Variants in MRTFB observed in about 807,000 individuals in gnomAD.
The protein encoded by MRTFB is myocardin related transcription factor B, also known as myocardin-related transcription factor B.
In MRTFB, 29 loss-of-function variants were observed where a neutral mutation model predicts 104.2. The observed-to-expected ratio is 0.28, with a 90% CI of 0.21 to 0.38. The LOEUF (loss-of-function observed/expected upper bound fraction) is 0.38. MRTFB is among the 10% of genes least tolerant of loss of function. The pLI is 1.00. For synonymous variants in MRTFB, 535 were observed against 519.5 expected (o/e 1.03, Z -0.41); for missense variants, 1,270 against 1,341.6 (o/e 0.95, Z 0.83).
chr16:14,134,689 C>T (rs756919375), intron 2 of MRTFB, among the ~76,000 whole-genome samples: 5 of 152,162 alleles, frequency 3.3e-5, no homozygotes, highest in Admixed American at 6.5e-5. Context: ...TTCACAACCT[C>T]GTGTCCCTCT....
At chr16:14,073,325 G>A (rs1420540777) in intron 1 of MRTFB, among the ~76,000 whole-genome samples, 1 of 152,130 alleles carries the variant, frequency 6.6e-6, no homozygotes, top group Non-Finnish European at 1.5e-5. Context: ...AAATGCCAGC[G>A]GTGTCCCCCA....
In MRTFB at chr16:14,240,500, T is replaced by A; in HGVS notation, c.1079+16T>A. The A allele has an allele frequency of 6.2e-7, 1 of 1,614,214 alleles. No individual in the cohort carries two copies. Among genetic ancestry groups the A allele is most frequent in the Non-Finnish European group, 8.5e-7 (1 of 1,180,044 alleles). On this transcript the variant is annotated intron_variant, in intron 10 of 16. Coordinates refer to ENST00000571589, the MANE Select transcript of MRTFB (RefSeq NM_001308142.2). ...CACCATTCAAGTACGGCGGGGCCCA[T>A]GCTATCCTCAACGCGGGGTTTTCTG...
chr16:14,162,334 C>T (rs1014612977), intron 3 of MRTFB, among the ~76,000 whole-genome samples: 1 of 150,728 alleles, frequency 6.6e-6, no homozygotes, highest in African/African-American at 2.5e-5. Context: ...CCTGTTTCCC[C>T]CTCTCTTTCC....
chr16:14,167,533 T>G (rs912807560), intron 3 of MRTFB, among the ~76,000 whole-genome samples: 19 of 152,222 alleles, frequency 1.2e-4, no homozygotes, highest in Admixed American at 1.0e-3. Context: ...CAATTTTTGC[T>G]TTTGTTACAA....
intron 3 of MRTFB, chr16:14,142,275 C>T (rs1434382398): frequency 1.5e-5 from 2 of 129,232 alleles, no homozygotes; most frequent in African/African-American, 6.2e-5. Flanking sequence ...GAGACGGAGT[C>T]TCACTCTGTC....
intron 8 of MRTFB, among the ~76,000 whole-genome samples, chr16:14,224,957 C>T (rs1379358234): frequency 5.3e-5 from 8 of 152,120 alleles, no homozygotes; most frequent in South Asian, 2.1e-4. Flanking sequence ...GAGGCCAAAG[C>T]GAGCGGATCA....
At position 14,260,919 on chromosome 16, in the gene MRTFB, C is replaced by T. The variant is rs745763495; in HGVS notation, c.2775C>T (p.Leu925=). 2 of 1,602,566 alleles carry T rather than the reference C, an allele frequency of 1.2e-6. No individual in the cohort carries two copies. Among genetic ancestry groups the T allele is most frequent in the Non-Finnish European group, 1.7e-6 (2 of 1,173,790 alleles). ...ATTTATTTTACACAGAGATCTCCCT[C>T]CCCATAAAAGAAGAACCTTCTCCTA... ...DILIKSGEIS[L]PIKEEPSPIS... The change falls in exon 17 of 17, where the codon CTC becomes CTT. Residue 925 remains leucine (L), a synonymous_variant. Transcript: ENST00000571589.
chr16:14,202,211 G>A (rs1209099455), intron 3 of MRTFB, among the ~76,000 whole-genome samples: 1 of 151,494 alleles, frequency 6.6e-6, no homozygotes, highest in Non-Finnish European at 1.5e-5. Context: ...TACTTCCTTT[G>A]CATATGTTAT....
At chr16:14,183,576 CTTGATA>C (rs948523219) in intron 3 of MRTFB, among the ~76,000 whole-genome samples, 8 of 151,820 alleles carry the variant, frequency 5.3e-5, no homozygotes, top group African/African-American at 1.9e-4. Context: ...TCAATATCAT[CTTGATA>C]TTGATTATTA....
At chr16:14,117,248 A>G (rs145667619) in intron 2 of MRTFB, among the ~76,000 whole-genome samples, 22 of 152,366 alleles carry the variant, frequency 1.4e-4, no homozygotes, top group African/African-American at 5.3e-4. Flanking sequence ...CTGTACAAAT[A>G]ATGGGCACAG....
At chr16:14,048,870 G>A in the MRTFB span, among the ~76,000 whole-genome samples, 1 of 152,188 alleles carries the variant, frequency 6.6e-6, no homozygotes, top group Non-Finnish European at 1.5e-5. Flanking sequence ...TGGGACCTAT[G>A]CAGAGCCAGG....
At chr16:14,233,781 C>CAAAAAAAAAAA (rs1007606658) in intron 8 of MRTFB, among the ~76,000 whole-genome samples, 3 of 50,002 alleles carry the variant, frequency 6.0e-5, no homozygotes, top group Non-Finnish European at 8.3e-5. Flanking sequence ...GACTCCCTCT[C>CAAAAAAAAAAA]AAAAAAAAAA....
At chr16:14,227,264 G>A (rs2151276944) in intron 8 of MRTFB, among the ~76,000 whole-genome samples, 1 of 150,114 alleles carries the variant, frequency 6.7e-6, no homozygotes, top group African/African-American at 2.5e-5. Flanking sequence ...TAGTTCCCGT[G>A]AGAGCTTGTT....
In MRTFB at chr16:14,251,919, C is replaced by T; in HGVS notation, c.2461C>T (p.Pro821Ser). 17 of 1,614,208 alleles carry T rather than the reference C, an allele frequency of 1.1e-5. No individual in the cohort carries two copies. The highest frequency in any genetic ancestry group is 1.4e-5 in the Non-Finnish European group (16 of 1,180,028). Reference protein sequence around the residue: ...TVLPYQRHPAPAVQQPFINKA... With the variant: ...TVLPYQRHPASAVQQPFINKA... ...TCTTCCATATCAGAGACATCCTGCC[C>T]CAGCTGTCCAGCAGCCCTTTATCAA... The change falls in exon 14 of 17, where the codon CCA (proline) becomes TCA (serine). Residue 821 changes from proline to serine, a missense_variant. By Grantham distance (74) the Pro-to-Ser change is moderately conservative (BLOSUM62 -1). Transcript: ENST00000571589.
At chr16:14,189,853 A>G (rs1287968318) in intron 3 of MRTFB, among the ~76,000 whole-genome samples, 2 of 152,118 alleles carry the variant, frequency 1.3e-5, no homozygotes, top group African/African-American at 4.8e-5. Context: ...GCTTCCTTAT[A>G]TTGGGATGTT....
chr16:14,157,829 CTG>C (rs1400093781), intron 3 of MRTFB, among the ~76,000 whole-genome samples: 1 of 152,156 alleles, frequency 6.6e-6, no homozygotes, highest in Non-Finnish European at 1.5e-5. Context: ...TGTGGAAAGA[CTG>C]TGTTTTTGAA....
At chr16:14,236,511 G>T (rs1035139491) in intron 9 of MRTFB, among the ~76,000 whole-genome samples, 1 of 152,216 alleles carries the variant, frequency 6.6e-6, no homozygotes. Flanking sequence ...GTGCCGGGTG[G>T]TGATGAATAA....
intron 2 of MRTFB, among the ~76,000 whole-genome samples, chr16:14,104,290 T>C (rs911599024): frequency 1.3e-5 from 2 of 152,206 alleles, no homozygotes; most frequent in African/African-American, 4.8e-5. Flanking sequence ...ACTTTCTCTT[T>C]CATTACCTTT....
intron 10 of MRTFB, among the ~76,000 whole-genome samples, chr16:14,244,983 A>T (rs1036507294): frequency 6.6e-6 from 1 of 152,174 alleles, no homozygotes; most frequent in Non-Finnish European, 1.5e-5. Flanking sequence ...CATAATTCAC[A>T]TGTAGATTTT....
Sources: gnomAD v4.1 joint callset for allele counts (sites outside exome capture counted in the v4.1 genomes callset) on GRCh38, gnomAD v4.1.1 for gene constraint, MANE v1.5 for transcripts, NCBI Gene and HGNC (gene_info 2026-07-23, HGNC 2026-07-21) for gene names.